Variants in RNLS observed in about 807,000 individuals in gnomAD.
RNLS encodes renalase.
Under a neutral mutation model 39.8 loss-of-function variants are expected in RNLS, and 39 were observed. The observed-to-expected ratio is 0.98, with a 90% CI of 0.76 to 1.28. The LOEUF (loss-of-function observed/expected upper bound fraction) is 1.28, where lower values mean the gene tolerates loss of function less well. Among genes scored for constraint, RNLS ranks in the 50% most tolerant of loss-of-function variants. The pLI is 0.00. For synonymous variants in RNLS, 147 were observed against 150.7 expected (o/e 0.98, Z 0.18); for missense variants, 410 against 413.3 (o/e 0.99, Z 0.07).
chr10:88,381,950 CATAA>C (rs1470820367), intron 4 of RNLS, among the ~76,000 whole-genome samples: 1 of 151,916 alleles, frequency 6.6e-6, no homozygotes, highest in Non-Finnish European at 1.5e-5. Flanking sequence ...TTTCAGTATC[CATAA>C]ATAAAGTTTT....
intron 4 of RNLS, among the ~76,000 whole-genome samples, chr10:88,390,268 C>G (rs1852113052): frequency 6.6e-6 from 1 of 152,186 alleles, no homozygotes; most frequent in South Asian, 2.1e-4. Flanking sequence ...TCACACACCA[C>G]AGGGATCCTG....
chr10:88,524,547 A>G (rs559655903), intron 4 of RNLS, among the ~76,000 whole-genome samples: 27 of 152,234 alleles, frequency 1.8e-4, no homozygotes, highest in African/African-American at 6.5e-4. Flanking sequence ...AGGCAATTGT[A>G]AAATAATCCT....
chr10:88,559,915 G>A (rs2134379883), intron 4 of RNLS, among the ~76,000 whole-genome samples: 1 of 151,826 alleles, frequency 6.6e-6, no homozygotes, highest in South Asian at 2.1e-4. Flanking sequence ...CCTGGTCTTG[G>A]GGGTCAGAAA....
chr10:88,553,302 C>G (rs1848688480), intron 4 of RNLS, among the ~76,000 whole-genome samples: 1 of 152,088 alleles, frequency 6.6e-6, no homozygotes, highest in Non-Finnish European at 1.5e-5. Flanking sequence ...CAGAGAACTG[C>G]CCTAAATTGT....
chr10:88,217,796 T>C, the RNLS span, among the ~76,000 whole-genome samples: 1 of 147,610 alleles, frequency 6.8e-6, no homozygotes, highest in East Asian at 2.0e-4. Flanking sequence ...TCCCAGAACT[T>C]TGGGAGGCCA....
At chr10:88,519,760 A>C (rs1239640056) in intron 4 of RNLS, among the ~76,000 whole-genome samples, 1 of 151,392 alleles carries the variant, frequency 6.6e-6, no homozygotes, top group Non-Finnish European at 1.5e-5. Flanking sequence ...TATCATATAT[A>C]GATGATACCT....
chr10:88,187,741 A>G, the RNLS span, among the ~76,000 whole-genome samples: 1 of 152,210 alleles, frequency 6.6e-6, no homozygotes, highest in Non-Finnish European at 1.5e-5. Context: ...TCAGACTAAT[A>G]CACATAGGAC....
At chr10:88,349,581 G>T (rs1314264089) in intron 5 of RNLS, among the ~76,000 whole-genome samples, 1 of 152,028 alleles carries the variant, frequency 6.6e-6, no homozygotes, top group African/African-American at 2.4e-5. Flanking sequence ...GAGATTATAG[G>T]CATGAGCAAG....
Position 88,438,122 on chromosome 10 carries a change from T to TAA in RNLS, c.527-75399_527-75398dup, listed in dbSNP as rs571001948. Among the ~76,000 whole-genome samples the TAA allele has an allele frequency of 3.3e-3, 391 of 116,756 alleles. 5 individuals carry two copies. The highest frequency in any genetic ancestry group is 9.1e-3 in the African/African-American group (303 of 33,310). 76.6% of individuals were successfully genotyped at this position (116,756 alleles called of 152,430 possible). On this transcript the variant is annotated intron_variant, in intron 4 of 6. Transcript: ENST00000331772. ...GCCTGGGCAACAAGAGTGAAACTCC[T>TAA]AAAAAAAAAAAAAAAAAAAGAAGCT...
At chr10:88,526,971 G>GA (rs1469455421) in intron 4 of RNLS, among the ~76,000 whole-genome samples, 18 of 148,856 alleles carry the variant, frequency 1.2e-4, no homozygotes, top group African/African-American at 3.7e-4. Flanking sequence ...GGGTAGAAAA[G>GA]AAAAAAAAAG....
intron 5 of RNLS, among the ~76,000 whole-genome samples, chr10:88,318,912 G>A (rs991880551): frequency 6.6e-6 from 1 of 152,064 alleles, no homozygotes; most frequent in Admixed American, 6.5e-5. Context: ...TCTATATCAG[G>A]GCAGGTGCTT....
In RNLS at chr10:88,485,824, C is replaced by T. The variant is rs1408762688; in HGVS notation, c.526+87079G>A. 4.0e-5 allele frequency among the ~76,000 whole-genome samples: 6 copies of T among 151,726 alleles called. No individual in the cohort carries two copies. In the South Asian group the frequency reaches 6.2e-4, roughly 16 times the overall value. ...AGAGACATTAATTTTTAAATCAGTA[C>T]GCACCGACTGAATGGAAATCTTGAC... On this transcript the variant is annotated intron_variant, in intron 4 of 6. Transcript: ENST00000331772.
intron 4 of RNLS, among the ~76,000 whole-genome samples, chr10:88,512,514 G>A (rs946597606): frequency 5.3e-5 from 8 of 152,160 alleles, no homozygotes; most frequent in East Asian, 1.9e-4. Flanking sequence ...CAAACTTGTC[G>A]TTTTTTTATG....
In RNLS at chr10:88,285,482, G is replaced by T; in HGVS notation, c.901C>A (p.Pro301Thr). The T allele has an allele frequency of 6.2e-7, 1 of 1,613,038 alleles. No individual in the cohort carries two copies. ...SQVTNAAANC[P>T]GQMTLHHKPF... Reference sequence around the variant, plus strand: ...TTGTGATGCAGAGTCATTTGGCCAGGACAGTTGGCAGCAGCATTTGTAACC... The same window carrying T: ...TTGTGATGCAGAGTCATTTGGCCAGTACAGTTGGCAGCAGCATTTGTAACC... Residue 301 changes from proline to threonine, a missense_variant, in exon 7 of 7, where the codon CCT becomes ACT. Pro to Thr is a conservative substitution (Grantham distance 38). Coordinates refer to ENST00000331772, the MANE Select transcript of RNLS (RefSeq NM_001031709.3).
the RNLS span, among the ~76,000 whole-genome samples, chr10:88,177,562 A>G: frequency 2.6e-5 from 4 of 151,906 alleles, no homozygotes; most frequent in African/African-American, 7.3e-5. Flanking sequence ...TGTTTCATTC[A>G]TTTTCAGGCA....
At chr10:88,355,891 C>G (rs1849132747) in intron 5 of RNLS, among the ~76,000 whole-genome samples, 1 of 152,196 alleles carries the variant, frequency 6.6e-6, no homozygotes, top group African/African-American at 2.4e-5. Context: ...CTTTGTTTAC[C>G]TACTCGAACT....
At chr10:88,581,456 T>C (rs757984259) in intron 3 of RNLS, 111 bp downstream of exon 3, 30 of 897,360 alleles carry the variant, frequency 3.3e-5, no homozygotes, top group Non-Finnish European at 4.7e-5. Context: ...GATCAGCAAA[T>C]AGAGCACCTA....
At chr10:88,365,386 C>T (rs1406449429) in intron 4 of RNLS, among the ~76,000 whole-genome samples, 1 of 143,536 alleles carries the variant, frequency 7.0e-6, no homozygotes, top group East Asian at 2.1e-4. Flanking sequence ...AAACAATATT[C>T]TTTCTTATCA....
rs1043096721 is a variant in RNLS at position 88,582,084 on chromosome 10, C to T, written c.224+118G>A. 2.5e-5 allele frequency: 19 copies of T among 752,720 alleles called. No homozygotes were observed. The Admixed American group carries it at 3.3e-4, about 13-fold the overall frequency. 46.6% of individuals were successfully genotyped at this position (752,720 alleles called of 1,614,324 possible). On this transcript the variant is annotated intron_variant, in intron 2 of 6. Coordinates refer to ENST00000331772, the MANE Select transcript of RNLS (RefSeq NM_001031709.3). ...GCCTTCTTCCATAACACCAACATAG[C>T]AATTGATATTTATCGAGCCCTTACT... is the stretch of plus-strand genomic sequence containing the variant.
Sources: gnomAD v4.1 joint callset for allele counts (sites outside exome capture counted in the v4.1 genomes callset) on GRCh38, gnomAD v4.1.1 for gene constraint, MANE v1.5 for transcripts, NCBI Gene and HGNC (gene_info 2026-07-23, HGNC 2026-07-21) for gene names.